The following STRBP variants were observed in gnomAD, a reference collection of about 807,000 sequenced individuals.
STRBP encodes the protein spermatid perinuclear RNA binding protein.
In STRBP, 13 loss-of-function variants were observed where a neutral mutation model predicts 80.1. The ratio of observed to expected loss-of-function variants is 0.16; its 90% CI spans 0.11 to 0.26. The LOEUF (loss-of-function observed/expected upper bound fraction) is 0.26, where lower values mean the gene tolerates loss of function less well. Ranked by LOEUF, STRBP falls within the 10% of genes least tolerant of loss-of-function variation. The pLI is 1.00. For synonymous variants in STRBP, 284 were observed against 291.2 expected, an observed-to-expected ratio of 0.98 and a Z score of 0.25; for missense variants, 485 against 815.2, an observed-to-expected ratio of 0.59 and a Z score of 4.93.
At chr9:123,157,235 T>C (rs1170691796) in intron 11 of STRBP, among the ~76,000 whole-genome samples, 2 of 152,222 alleles carry the variant, frequency 1.3e-5, no homozygotes, top group Non-Finnish European at 2.9e-5. Context: ...TCTTCTCCTC[T>C]GTATTTTTCT....
At position 123,124,631 on chromosome 9, in the gene STRBP, T is replaced by C. The variant is rs1472758411; in HGVS notation, c.*966A>G. The C allele has an allele frequency of 1.5e-5, 15 of 985,306 alleles. No homozygotes were observed. The highest frequency in any genetic ancestry group is 1.7e-5 in the African/African-American group (1 of 57,224). The allele number at this position is 985,306 out of a possible 1,614,324, so 61.0% of individuals were successfully genotyped here. ...CAATGAATCCCAGCAAAATCACTAA[T>C]CTTCTATCTGCATGAAAAAAGCCAG... On this transcript the variant is annotated 3_prime_UTR_variant, in exon 19 of 19. Transcript: ENST00000348403.
intron 1 of STRBP, among the ~76,000 whole-genome samples, chr9:123,249,528 A>T (rs1420446574): frequency 6.8e-6 from 1 of 147,578 alleles, no homozygotes; most frequent in Non-Finnish European, 1.5e-5. Flanking sequence ...GCAGTCCCAG[A>T]CACCAAGGAG....
At chr9:123,173,929 C>A (rs2038112281) in intron 4 of STRBP, 87 bp from the exon 5 acceptor site, 1 of 1,391,958 alleles carries the variant, frequency 7.2e-7, no homozygotes, top group Non-Finnish European at 9.8e-7. Context: ...AATACTCTTA[C>A]AAACTGATAA....
intron 2 of STRBP, among the ~76,000 whole-genome samples, chr9:123,214,416 T>C (rs2039823220): frequency 6.6e-6 from 1 of 151,996 alleles, no homozygotes; most frequent in African/African-American, 2.4e-5. Context: ...GGGTGATGGG[T>C]GCACCAAAAT....
chr9:123,119,390 G>GC (rs1260470831), downstream of STRBP, among the ~76,000 whole-genome samples: 2 of 100,994 alleles, frequency 2.0e-5, no homozygotes, highest in African/African-American at 4.1e-5. Context: ...CCCACCCCCC[G>GC]CCCCCCGCCA....
At position 123,151,957 on chromosome 9, in the gene STRBP, T is replaced by G. The variant is rs141098053; in HGVS notation, c.1046-4087A>C. ...GGTGAGAGTCATTAGCAAAATAAAA[T>G]AAGGTACAAAATGTATAAAAGAGGA... On this transcript the variant is annotated intron_variant, in intron 11 of 18. Transcript: ENST00000348403. 3.9e-3 allele frequency among the ~76,000 whole-genome samples: 590 copies of G among 152,046 alleles called. 2 individuals are homozygous for G. Among genetic ancestry groups the G allele is most frequent in the African/African-American group, 0.013 (527 of 41,482 alleles).
intron 2 of STRBP, among the ~76,000 whole-genome samples, chr9:123,228,222 T>C (rs1388571107): frequency 6.6e-6 from 1 of 152,156 alleles, no homozygotes; most frequent in African/African-American, 2.4e-5. Context: ...GTTTTAGACA[T>C]GTTCCATTTA....
At chr9:123,243,326 A>G (rs533778580) in intron 1 of STRBP, among the ~76,000 whole-genome samples, 39 of 151,972 alleles carry the variant, frequency 2.6e-4, no homozygotes, top group Middle Eastern at 3.4e-3. Flanking sequence ...CTTACACAAA[A>G]CCTAATTTGA....
chr9:123,233,247 A>AT lies in STRBP; in HGVS notation c.-165+3582dup, dbSNP rs900662036. ...ACCACCACATCTGGCTAATTTCTTT[A>AT]TTTTTTTAGAGATGGGGGGGTCTCA... On this transcript the variant is annotated intron_variant, in intron 2 of 18. Coordinates refer to ENST00000348403, the MANE Select transcript of STRBP (RefSeq NM_018387.5). 4.6e-5 allele frequency among the ~76,000 whole-genome samples: 7 copies of AT among 151,796 alleles called. 1 individual carries two copies. Among genetic ancestry groups the AT allele is most frequent in the Admixed American group, 1.3e-4 (2 of 15,232 alleles).
At chr9:123,265,125 C>T (rs534786935) in intron 1 of STRBP, among the ~76,000 whole-genome samples, 54 of 152,192 alleles carry the variant, frequency 3.5e-4, no homozygotes, top group African/African-American at 1.1e-3. Flanking sequence ...ACAGTAATGC[C>T]TTCAGAGCAT....
chr9:123,249,895 T>C (rs2040876475), intron 1 of STRBP, among the ~76,000 whole-genome samples: 1 of 152,200 alleles, frequency 6.6e-6, no homozygotes, highest in South Asian at 2.1e-4. Context: ...CCAGAGGCTA[T>C]ATAACGTTGA....
chr9:123,112,200 G>C (rs1354635388), intron 3 of STRBP: 2 of 166,904 alleles, frequency 1.2e-5, no homozygotes, highest in Middle Eastern at 3.4e-3. Flanking sequence ...CAGCGCTGCC[G>C]GCCTGTGGCT....
intron 6 of STRBP, among the ~76,000 whole-genome samples, chr9:123,168,703 T>C (rs948570714): frequency 2.1e-4 from 32 of 152,172 alleles, no homozygotes; most frequent in African/African-American, 7.5e-4. Flanking sequence ...CCAGATAGGC[T>C]GCAATGCCTC....
Position 123,136,537 on chromosome 9 carries a change from A to C in STRBP, c.1498-22T>G, listed in dbSNP as rs773884418. Reference sequence around the variant, plus strand: ...TTACCTATAAGAGAAAGGGAATCTGAAGGTTCAATCAAGTAAGATTTTAGA... The same window carrying C: ...TTACCTATAAGAGAAAGGGAATCTGCAGGTTCAATCAAGTAAGATTTTAGA... On this transcript the variant is annotated intron_variant, in intron 14 of 18. Coordinates refer to ENST00000348403, the MANE Select transcript of STRBP (RefSeq NM_018387.5). This position sits in a 1 kb window ranked among gnomAD's most constrained non-coding sequence, Gnocchi z 4.2. The C allele has an allele frequency of 5.0e-6, 8 of 1,608,880 alleles. No homozygotes were observed. The highest frequency in any genetic ancestry group is 1.7e-5 in the Admixed American group (1 of 58,590).
chr9:123,262,498 T>G (rs1220435820), intron 1 of STRBP, among the ~76,000 whole-genome samples: 2 of 152,148 alleles, frequency 1.3e-5, no homozygotes, highest in African/African-American at 4.8e-5. Flanking sequence ...GCCTCAGAAT[T>G]TATTACACAA....
chr9:123,186,826 A>T (rs2540076), intron 2 of STRBP, among the ~76,000 whole-genome samples: 1,367 of 16,070 alleles, frequency 0.085, 20 homozygotes, highest in East Asian at 0.5. Flanking sequence ...TTCTTTTTTT[A>T]AAAAAAAAAA....
chr9:123,178,161 T>G (rs2038302606), intron 4 of STRBP, among the ~76,000 whole-genome samples: 1 of 152,198 alleles, frequency 6.6e-6, no homozygotes, highest in African/African-American at 2.4e-5. Context: ...GAAAATCCAT[T>G]TATCAATACT....
At chr9:123,132,816 G>T (rs370632484) in intron 17 of STRBP, 29 bp downstream of exon 17, 2 of 1,611,234 alleles carry the variant, frequency 1.2e-6, no homozygotes, top group Non-Finnish European at 1.7e-6. Flanking sequence ...CCAGTAAAGG[G>T]GGCCAATCTC....
At chr9:123,217,862 T>A (rs2039945439) in intron 2 of STRBP, among the ~76,000 whole-genome samples, 1 of 152,236 alleles carries the variant, frequency 6.6e-6, no homozygotes, top group Non-Finnish European at 1.5e-5. Flanking sequence ...TCTTAAAGAT[T>A]AATGAGCCTT....
Sources: allele counts gnomAD v4.1 joint callset (sites outside exome capture counted in the v4.1 genomes callset), GRCh38; gene constraint gnomAD v4.1.1; non-coding constraint Gnocchi (gnomAD v3.1); transcripts MANE v1.5; gene names NCBI Gene and HGNC (gene_info 2026-07-23, HGNC 2026-07-21).